Variants in KCNH1 observed in about 807,000 individuals in gnomAD.
KCNH1 encodes the protein potassium voltage-gated channel subfamily H member 1.
A neutral mutation model predicts 69.2 loss-of-function variants in KCNH1; 27 were observed. The observed-to-expected ratio is 0.39, with a 90% CI of 0.29 to 0.54. The LOEUF (loss-of-function observed/expected upper bound fraction) is 0.54, where lower values mean the gene tolerates loss of function less well. Ranked by LOEUF, KCNH1 falls within the 20% of genes least tolerant of loss-of-function variation. The pLI is 0.68. For synonymous variants in KCNH1, 456 were observed against 487.7 expected (o/e 0.93, Z 0.86); for missense variants, 798 against 1,261.6 (o/e 0.63, Z 5.57).
At chr1:210,712,851 A>G (rs1682112086) in intron 10 of KCNH1, among the ~76,000 whole-genome samples, 1 of 152,136 alleles carries the variant, frequency 6.6e-6, no homozygotes, top group Non-Finnish European at 1.5e-5. Context: ...TTAGTCTATC[A>G]GCTCCAGGTC....
chr1:210,864,715 T>G (rs1389461250), intron 7 of KCNH1, among the ~76,000 whole-genome samples: 1 of 152,208 alleles, frequency 6.6e-6, no homozygotes, highest in Non-Finnish European at 1.5e-5. Flanking sequence ...AACTAGCATT[T>G]TACTATGTTC....
intron 7 of KCNH1, among the ~76,000 whole-genome samples, chr1:210,834,780 C>T (rs982325098): frequency 6.6e-6 from 1 of 151,640 alleles, no homozygotes; most frequent in Non-Finnish European, 1.5e-5. Context: ...GAGTGCAGAG[C>T]CCTTACCAAT....
rs138582864 is a variant in KCNH1 at position 210,964,275 on chromosome 1, C to T, written c.1033-44206G>A. On this transcript the variant is annotated intron_variant, in intron 6 of 10. Coordinates refer to ENST00000271751, the MANE Select transcript of KCNH1 (RefSeq NM_172362.3). ...CACCACCAGGCCTGCCTTACAAGAG[C>T]TCCTGAAGGAAGCACTAAACATGGA... is the stretch of plus-strand genomic sequence containing the variant. Among the ~76,000 whole-genome samples the T allele has an allele frequency of 2.8e-3, 434 of 152,302 alleles. 4 individuals carry two copies. The highest frequency in any genetic ancestry group is 0.01 in the African/African-American group (417 of 41,554).
intron 10 of KCNH1, among the ~76,000 whole-genome samples, chr1:210,754,121 A>G (rs1343630827): frequency 5.9e-5 from 9 of 151,500 alleles, no homozygotes; most frequent in Admixed American, 5.3e-4. Flanking sequence ...GGGTTTCACC[A>G]TGTTAGCCAG....
intron 5 of KCNH1, among the ~76,000 whole-genome samples, chr1:211,070,282 G>A (rs777234616): frequency 6.6e-6 from 1 of 151,834 alleles, no homozygotes; most frequent in Non-Finnish European, 1.5e-5. Context: ...GCCGGGCGTA[G>A]TGGTGAGCGC....
intron 7 of KCNH1, among the ~76,000 whole-genome samples, chr1:210,890,073 C>T (rs1035444570): frequency 2.0e-5 from 3 of 152,098 alleles, no homozygotes; most frequent in Non-Finnish European, 4.4e-5. Context: ...GAAAAAAGAG[C>T]CCATATGCCC....
At chr1:211,070,337 G>A (rs1690614143) in intron 5 of KCNH1, among the ~76,000 whole-genome samples, 1 of 151,840 alleles carries the variant, frequency 6.6e-6, no homozygotes, top group Admixed American at 6.6e-5. Flanking sequence ...AGAATGGCGT[G>A]AGCCCGGGAG....
At chr1:210,793,731 T>C (rs570210100) in intron 9 of KCNH1, among the ~76,000 whole-genome samples, 4 of 152,102 alleles carry the variant, frequency 2.6e-5, no homozygotes, top group Non-Finnish European at 5.9e-5. Flanking sequence ...AGCTCTGGCG[T>C]TTTTTTCTAA....
At chr1:210,729,407 G>A (rs943020020) in intron 10 of KCNH1, among the ~76,000 whole-genome samples, 1 of 152,130 alleles carries the variant, frequency 6.6e-6, no homozygotes, top group Non-Finnish European at 1.5e-5. Context: ...CAATACTTAC[G>A]GCAATAATGT....
chr1:210,776,500 G>T (rs1462697057), intron 9 of KCNH1, among the ~76,000 whole-genome samples: 1 of 152,094 alleles, frequency 6.6e-6, no homozygotes, highest in African/African-American at 2.4e-5. Context: ...TTAAGTCATG[G>T]GGGTGGAGCC....
chr1:210,774,306 G>A (rs183583707), intron 10 of KCNH1, among the ~76,000 whole-genome samples: 20 of 152,284 alleles, frequency 1.3e-4, no homozygotes, highest in African/African-American at 4.8e-4. Flanking sequence ...AGGGCATGAG[G>A]AAGGTTTTTA....
At chr1:210,780,861 C>A (rs908882700) in intron 9 of KCNH1, among the ~76,000 whole-genome samples, 3 of 152,172 alleles carry the variant, frequency 2.0e-5, no homozygotes, top group Non-Finnish European at 2.9e-5. Flanking sequence ...TCCTGGCTAA[C>A]ACGGTGAAAC....
At chr1:210,883,084 C>A (rs1281798020) in intron 7 of KCNH1, among the ~76,000 whole-genome samples, 4 of 152,138 alleles carry the variant, frequency 2.6e-5, no homozygotes, top group Admixed American at 1.3e-4. Flanking sequence ...TCCTAAATTA[C>A]AAATCCAATA....
chr1:210,831,236 G>A (rs1178390802), intron 7 of KCNH1, among the ~76,000 whole-genome samples: 1 of 152,110 alleles, frequency 6.6e-6, no homozygotes, highest in Non-Finnish European at 1.5e-5. Flanking sequence ...AGTTATCTTG[G>A]CTAACTCAAA....
chr1:210,685,124 C>T (rs1253971202), intron 10 of KCNH1, among the ~76,000 whole-genome samples: 2 of 152,200 alleles, frequency 1.3e-5, no homozygotes, highest in Non-Finnish European at 1.5e-5. Flanking sequence ...GCATAAGCCA[C>T]AGCTTACAGG....
At chr1:210,845,311 T>A (rs1053965449) in intron 7 of KCNH1, among the ~76,000 whole-genome samples, 1 of 152,140 alleles carries the variant, frequency 6.6e-6, no homozygotes, top group African/African-American at 2.4e-5. Context: ...TTGATGAACA[T>A]CGATGCAAAA....
chr1:210,769,261 G>A (rs963619614), intron 10 of KCNH1, among the ~76,000 whole-genome samples: 2 of 152,132 alleles, frequency 1.3e-5, no homozygotes, highest in African/African-American at 4.8e-5. Flanking sequence ...AAATTTAAAA[G>A]CTTTCCAATG....
At chr1:210,804,617 G>A (rs1019532647) in intron 7 of KCNH1, among the ~76,000 whole-genome samples, 5 of 152,192 alleles carry the variant, frequency 3.3e-5, no homozygotes, top group Non-Finnish European at 7.3e-5. Flanking sequence ...GCTTTATCAA[G>A]CTCTGCTACG....
chr1:210,900,484 G>T (rs1050335003), intron 7 of KCNH1, among the ~76,000 whole-genome samples: 1 of 152,188 alleles, frequency 6.6e-6, no homozygotes, highest in African/African-American at 2.4e-5. Context: ...GAGGCATGGT[G>T]GGCTAGGGAA....
Sources: allele counts gnomAD v4.1 joint callset (sites outside exome capture counted in the v4.1 genomes callset), GRCh38; gene constraint gnomAD v4.1.1; transcripts MANE v1.5; gene names NCBI Gene and HGNC (gene_info 2026-07-23, HGNC 2026-07-21).